Variants in NFKB1 observed in about 807,000 individuals in gnomAD.
NFKB1 encodes the protein nuclear factor NF-kappa-B p105 subunit.
In NFKB1, 9 loss-of-function variants were observed where a neutral mutation model predicts 105.1. That is an observed-to-expected ratio of 0.09 (90% CI 0.05 to 0.15). NFKB1 has a LOEUF of 0.15. Among genes scored for constraint, NFKB1 ranks in the 10% least tolerant of loss-of-function variants. NFKB1 has a pLI of 1.00. For synonymous variants in NFKB1, 440 were observed against 442.2 expected, an observed-to-expected ratio of 1.00 and a Z score of 0.06; for missense variants, 830 against 1,203.7, an observed-to-expected ratio of 0.69 and a Z score of 4.59.
At chr4:102,590,643 T>A (rs1726090926) in intron 11 of NFKB1, among the ~76,000 whole-genome samples, 1 of 152,134 alleles carries the variant, frequency 6.6e-6, no homozygotes, top group Non-Finnish European at 1.5e-5. Flanking sequence ...TCGATAAATG[T>A]TCTGTGTGTT....
chr4:102,526,209 C>A (rs540288968), intron 2 of NFKB1, among the ~76,000 whole-genome samples: 1 of 152,146 alleles, frequency 6.6e-6, no homozygotes, highest in East Asian at 1.9e-4. Context: ...TCACAGGTAC[C>A]GGGGATTAGG....
In NFKB1 at chr4:102,613,413, T is replaced by C. The variant is rs1172751103; in HGVS notation, c.2593-12T>C. On this transcript the variant is annotated splice_polypyrimidine_tract_variant and intron_variant, in intron 22 of 23. Coordinates refer to ENST00000226574, the MANE Select transcript of NFKB1 (RefSeq NM_003998.4). ...CACAAGAACATGCTCCTCCTTCCTT[T>C]CTTTCTCACAGGTCTCTGGGGGTAC... 1.9e-6 allele frequency: 3 copies of C among 1,612,486 alleles called. No individual in the cohort carries two copies. The highest frequency in any genetic ancestry group is 8.5e-7 in the Non-Finnish European group (1 of 1,178,960).
At chr4:102,561,805 T>G (rs1723465474) in intron 5 of NFKB1, among the ~76,000 whole-genome samples, 1 of 152,094 alleles carries the variant, frequency 6.6e-6, no homozygotes, top group African/African-American at 2.4e-5. Flanking sequence ...AAAGTATAGC[T>G]GTATAGGCTC....
chr4:102,534,560 A>G (rs1741515611), intron 4 of NFKB1, among the ~76,000 whole-genome samples: 1 of 152,156 alleles, frequency 6.6e-6, no homozygotes, highest in South Asian at 2.1e-4. Flanking sequence ...AGGAAATTGG[A>G]TGGGACCAAT....
chr4:102,558,908 G>A (rs926787223), intron 5 of NFKB1, among the ~76,000 whole-genome samples: 2 of 152,172 alleles, frequency 1.3e-5, no homozygotes, highest in African/African-American at 4.8e-5. Flanking sequence ...AATGTATAGA[G>A]AAAAATTAAG....
intron 3 of NFKB1, among the ~76,000 whole-genome samples, chr4:102,532,669 TTA>T (rs1435671955): frequency 4.6e-5 from 7 of 152,064 alleles, no homozygotes; most frequent in Admixed American, 4.6e-4. Flanking sequence ...CTCTTTTGTG[TTA>T]TAGTTTATTT....
intron 11 of NFKB1, among the ~76,000 whole-genome samples, chr4:102,592,129 G>A (rs763586280): frequency 3.9e-5 from 6 of 152,234 alleles, no homozygotes; most frequent in Non-Finnish European, 8.8e-5. Flanking sequence ...TTTCATGGTT[G>A]AGGAATTGCT....
At position 102,547,349 on chromosome 4, in the gene NFKB1, G is replaced by A. The variant is rs1722219514; in HGVS notation, c.258+9393G>A. 2.0e-5 allele frequency among the ~76,000 whole-genome samples: 3 copies of A among 152,200 alleles called. No individual in the cohort carries two copies. The South Asian group carries it at 6.2e-4, about 31-fold the overall frequency. On this transcript the variant is annotated intron_variant, in intron 5 of 23. Coordinates refer to ENST00000226574, the MANE Select transcript of NFKB1 (RefSeq NM_003998.4). ...AAGGAGTAAGAGGTGTCTAGTTGAA[G>A]TCCTAGAAAGAGGTATTACAACTGC...
At chr4:102,556,941 C>T (rs947948978) in intron 5 of NFKB1, among the ~76,000 whole-genome samples, 1 of 151,650 alleles carries the variant, frequency 6.6e-6, no homozygotes, top group Non-Finnish European at 1.5e-5. Context: ...CATCTGTAGA[C>T]AAGGGAAAAA....
intron 1 of NFKB1, among the ~76,000 whole-genome samples, chr4:102,505,372 AT>A (rs1298618809): frequency 3.9e-5 from 6 of 152,250 alleles, no homozygotes; most frequent in Non-Finnish European, 8.8e-5. Context: ...AAAGAAAACA[AT>A]TTTTATTGTG....
intron 1 of NFKB1, among the ~76,000 whole-genome samples, chr4:102,519,341 A>G (rs1037273115): frequency 6.8e-6 from 1 of 147,570 alleles, no homozygotes; most frequent in Non-Finnish European, 1.5e-5. Flanking sequence ...AAGTATATAT[A>G]TAAAATATAT....
At chr4:102,598,317 C>T (rs1726815637) in intron 15 of NFKB1, among the ~76,000 whole-genome samples, 1 of 152,170 alleles carries the variant, frequency 6.6e-6, no homozygotes, top group Admixed American at 6.5e-5. Context: ...ATTGAGACTT[C>T]TAAAATGATC....
At chr4:102,578,146 G>T (rs4648027) in intron 7 of NFKB1, 68 of 210,146 alleles carry the variant, frequency 3.2e-4, no homozygotes, top group African/African-American at 1.5e-3. Flanking sequence ...TTCCTGGAAT[G>T]CCTTTATCCA....
At chr4:102,509,904 C>A (rs1296929480) in intron 1 of NFKB1, among the ~76,000 whole-genome samples, 2 of 152,168 alleles carry the variant, frequency 1.3e-5, no homozygotes, top group East Asian at 3.8e-4. Context: ...TAAATCGGAT[C>A]ATGTCTCTGC....
At chr4:102,608,658 CTT>C (rs11336046) in intron 19 of NFKB1, among the ~76,000 whole-genome samples, 299 of 146,900 alleles carry the variant, frequency 2.0e-3, no homozygotes, top group Middle Eastern at 3.5e-3. Flanking sequence ...ACTTTAGAGG[CTT>C]TTTTTTTTTT....
At chr4:102,587,137 GC>G (rs1167048328) in intron 11 of NFKB1, among the ~76,000 whole-genome samples, 6 of 152,138 alleles carry the variant, frequency 3.9e-5, no homozygotes, top group African/African-American at 7.2e-5. Context: ...GGGGTGAAGG[GC>G]CCTGCCAGCT....
intron 1 of NFKB1, among the ~76,000 whole-genome samples, chr4:102,518,177 A>C (rs1740327081): frequency 1.3e-5 from 2 of 152,198 alleles, no homozygotes; most frequent in African/African-American, 4.8e-5. Context: ...AAAGTCAAAA[A>C]TGGGGCTCAT....
chr4:102,537,996 A>G (rs1452041406), intron 5 of NFKB1, 40 bp downstream of exon 5: 1 of 1,286,186 alleles, frequency 7.8e-7, no homozygotes, highest in Non-Finnish European at 1.1e-6. Context: ...GAATTCTGGA[A>G]ATTTTGATTT....
At chr4:102,582,142 C>G (rs528908501) in intron 9 of NFKB1, among the ~76,000 whole-genome samples, 1 of 152,248 alleles carries the variant, frequency 6.6e-6, no homozygotes, top group Admixed American at 6.5e-5. Context: ...GCAATTTAAG[C>G]ATTGCATTTT....
Sources: allele counts gnomAD v4.1 joint callset (sites outside exome capture counted in the v4.1 genomes callset), GRCh38; gene constraint gnomAD v4.1.1; transcripts MANE v1.5; gene names NCBI Gene and HGNC (gene_info 2026-07-23, HGNC 2026-07-21).